Variants in SMIM10L3 observed in about 807,000 individuals in gnomAD.
The protein encoded by SMIM10L3 is small integral membrane protein 10 like 3.
chr7:6,348,848 G>C, the SMIM10L3 span: 1 of 391,966 alleles, frequency 2.6e-6, no homozygotes, highest in Non-Finnish European at 4.5e-6. Context: ...TGCTCAGGGA[G>C]CGAAGGAGGC....
chr7:6,343,625 A>T, the SMIM10L3 span, among the ~76,000 whole-genome samples: 1 of 151,924 alleles, frequency 6.6e-6, no homozygotes, highest in East Asian at 1.9e-4. Flanking sequence ...TATAAATAAG[A>T]AGGATGCTAA....
the SMIM10L3 span, among the ~76,000 whole-genome samples, chr7:6,334,449 C>G: frequency 6.6e-6 from 1 of 151,754 alleles, no homozygotes; most frequent in Admixed American, 6.6e-5. Context: ...GGCAGGAGAA[C>G]AGCTTGAGTC....
the SMIM10L3 span, among the ~76,000 whole-genome samples, chr7:6,346,551 T>A: frequency 6.6e-6 from 1 of 152,030 alleles, no homozygotes; most frequent in Non-Finnish European, 1.5e-5. Context: ...CAGCTAATTT[T>A]TTGTATTTTA....
the SMIM10L3 span, among the ~76,000 whole-genome samples, chr7:6,342,677 C>G: frequency 6.6e-6 from 1 of 152,126 alleles, no homozygotes; most frequent in Non-Finnish European, 1.5e-5. Flanking sequence ...TAACATTATT[C>G]ACAATAGCCA....
chr7:6,333,309 A>C, the SMIM10L3 span, among the ~76,000 whole-genome samples: 2 of 152,168 alleles, frequency 1.3e-5, no homozygotes, highest in African/African-American at 4.8e-5. Context: ...GATTGGAGCC[A>C]GCCGAGAAGC....
At chr7:6,342,028 T>C in the SMIM10L3 span, 2 of 151,868 alleles carry the variant, frequency 1.3e-5, no homozygotes, top group Non-Finnish European at 2.9e-5. Context: ...CTGAAAACCT[T>C]TGATTCAAGA....
the SMIM10L3 span, among the ~76,000 whole-genome samples, chr7:6,332,214 G>C: frequency 3.9e-5 from 6 of 152,038 alleles, no homozygotes; most frequent in African/African-American, 1.4e-4. Context: ...TAATTTTATA[G>C]GGACCAGCAC....
the SMIM10L3 span, chr7:6,331,264 A>G: frequency 8.8e-7 from 1 of 1,138,696 alleles, no homozygotes. Flanking sequence ...TTAAAGTTCT[A>G]AAATGAAGAC....
At chr7:6,348,522 G>T in the SMIM10L3 span, 1 of 413,086 alleles carries the variant, frequency 2.4e-6, no homozygotes, top group Admixed American at 4.3e-5. Flanking sequence ...TCCCGCGGGC[G>T]AGGCGGGCGC....
At chr7:6,331,079 G>C in the SMIM10L3 span, 2 of 1,613,600 alleles carry the variant, frequency 1.2e-6, no homozygotes, top group Non-Finnish European at 1.7e-6. Flanking sequence ...CTGCATGATA[G>C]TTTGTCCGAG....
chr7:6,330,793 C>T, the SMIM10L3 span: 4 of 1,614,176 alleles, frequency 2.5e-6, no homozygotes, highest in Admixed American at 6.7e-5. Flanking sequence ...AGCTTCAACA[C>T]CACTGCAGGA....
chr7:6,340,670 C>T, the SMIM10L3 span, among the ~76,000 whole-genome samples: 4 of 151,656 alleles, frequency 2.6e-5, no homozygotes, highest in East Asian at 3.9e-4. Context: ...GAGGCCGAGG[C>T]GGGCGGATCA....
At chr7:6,345,893 C>T in the SMIM10L3 span, among the ~76,000 whole-genome samples, 3 of 151,974 alleles carry the variant, frequency 2.0e-5, no homozygotes, top group African/African-American at 7.3e-5. Flanking sequence ...CTCAGCCTAC[C>T]ATGTAGCTGG....
At chr7:6,348,582 G>T in the SMIM10L3 span, 1 of 438,902 alleles carries the variant, frequency 2.3e-6, no homozygotes, top group Non-Finnish European at 4.1e-6. Flanking sequence ...CCTGCAGGCG[G>T]ACGTTGAGCA....
At chr7:6,336,735 C>T in the SMIM10L3 span, among the ~76,000 whole-genome samples, 1 of 151,922 alleles carries the variant, frequency 6.6e-6, no homozygotes, top group African/African-American at 2.4e-5. Context: ...CTCACTGCAG[C>T]CTCGACTTCC....
chr7:6,339,544 A>G, the SMIM10L3 span, among the ~76,000 whole-genome samples: 1 of 145,600 alleles, frequency 6.9e-6, no homozygotes, highest in Non-Finnish European at 1.5e-5. Context: ...AGTGCAGTGG[A>G]GCAATCTCAG....
chr7:6,336,267 G>A, the SMIM10L3 span, among the ~76,000 whole-genome samples: 5 of 151,928 alleles, frequency 3.3e-5, no homozygotes, highest in Admixed American at 6.6e-5. Flanking sequence ...AGGACTGCTT[G>A]AGCCTAGAAG....
At chr7:6,331,608 C>T in the SMIM10L3 span, among the ~76,000 whole-genome samples, 1 of 152,082 alleles carries the variant, frequency 6.6e-6, no homozygotes, top group East Asian at 1.9e-4. Flanking sequence ...TCTCCATCTC[C>T]TGACCTCATG....
chr7:6,330,598 G>A, the SMIM10L3 span: 2 of 1,614,066 alleles, frequency 1.2e-6, no homozygotes, highest in Admixed American at 1.7e-5. Flanking sequence ...GTGCAGGCAA[G>A]CGGGTTCCAA....
Sources: gnomAD v4.1 joint callset for allele counts (sites outside exome capture counted in the v4.1 genomes callset) on GRCh38, gnomAD v4.1.1 for gene constraint, MANE v1.5 for transcripts, NCBI Gene and HGNC (gene_info 2026-07-23, HGNC 2026-07-21) for gene names.